The following TMEM178B variants were observed in gnomAD, a reference collection of about 807,000 sequenced individuals.
TMEM178B encodes the protein transmembrane protein 178B.
TMEM178B carries 5 observed loss-of-function variants against 31.0 expected under a neutral mutation model. That is an observed-to-expected ratio of 0.16 (90% CI 0.08 to 0.34). The LOEUF is 0.34. Among genes scored for constraint, TMEM178B ranks in the 10% least tolerant of loss-of-function variants. The probability of loss-of-function intolerance (pLI) is 1.00; values close to 1 mark genes in which losing one functional copy is unlikely to be tolerated. For missense variants in TMEM178B, 275 were observed against 400.3 expected, an observed-to-expected ratio of 0.69 and a Z score of 2.67; for synonymous variants, 164 against 164.0, an observed-to-expected ratio of 1.00 and a Z score of 0.00.
At chr7:141,241,557 T>C (rs1312376608) in intron 2 of TMEM178B, among the ~76,000 whole-genome samples, 1 of 126,726 alleles carries the variant, frequency 7.9e-6, no homozygotes, top group Non-Finnish European at 1.6e-5. Context: ...GCTGTTGCAC[T>C]CCAGCCTGGG....
chr7:141,376,324 A>C (rs955801099), intron 2 of TMEM178B, among the ~76,000 whole-genome samples: 1 of 152,238 alleles, frequency 6.6e-6, no homozygotes, highest in African/African-American at 2.4e-5. Context: ...CTGGGTATGT[A>C]CCTACTTGGG....
At chr7:141,089,761 C>CA (rs927320086) in intron 1 of TMEM178B, among the ~76,000 whole-genome samples, 3 of 151,482 alleles carry the variant, frequency 2.0e-5, no homozygotes, top group Middle Eastern at 3.2e-3. Flanking sequence ...ATTGCAAGGA[C>CA]AAAAAACCAA....
chr7:141,133,196 C>A (rs1346738870), intron 1 of TMEM178B, among the ~76,000 whole-genome samples: 1 of 151,828 alleles, frequency 6.6e-6, no homozygotes, highest in East Asian at 1.9e-4. Flanking sequence ...AGATATGACA[C>A]CTATAAAAGA....
At chr7:141,130,543 TTA>T (rs1379410969) in intron 1 of TMEM178B, among the ~76,000 whole-genome samples, 1 of 152,230 alleles carries the variant, frequency 6.6e-6, no homozygotes, top group Non-Finnish European at 1.5e-5. Flanking sequence ...AGCTATTCCA[TTA>T]TATGACTATA....
intron 3 of TMEM178B, among the ~76,000 whole-genome samples, chr7:141,458,954 G>C (rs1157166646): frequency 6.6e-6 from 1 of 152,194 alleles, no homozygotes; most frequent in Non-Finnish European, 1.5e-5. Context: ...TAAGAAAGGG[G>C]AATGAGGGGA....
chr7:141,275,361 A>G (rs116981308), intron 2 of TMEM178B, among the ~76,000 whole-genome samples: 173 of 152,352 alleles, frequency 1.1e-3, no homozygotes, highest in Middle Eastern at 6.8e-3. Flanking sequence ...TGCAGTTTTT[A>G]TGAATGTATA....
At chr7:141,126,753 A>G (rs1795503373) in intron 1 of TMEM178B, among the ~76,000 whole-genome samples, 1 of 152,098 alleles carries the variant, frequency 6.6e-6, no homozygotes, top group South Asian at 2.1e-4. Flanking sequence ...GCTAAGTTGG[A>G]TTGGTGTTTG....
intron 1 of TMEM178B, among the ~76,000 whole-genome samples, chr7:141,101,699 C>T (rs933164475): frequency 2.6e-5 from 4 of 152,190 alleles, no homozygotes; most frequent in Admixed American, 1.3e-4. Context: ...GTACAGTCAA[C>T]TCCATTAGGT....
intron 2 of TMEM178B, among the ~76,000 whole-genome samples, chr7:141,430,981 C>A (rs1304794521): frequency 6.6e-6 from 1 of 152,168 alleles, no homozygotes; most frequent in Non-Finnish European, 1.5e-5. Flanking sequence ...GAATTTCCAG[C>A]AGACCTCCCC....
At chr7:141,082,005 G>A (rs1040804063) in intron 1 of TMEM178B, among the ~76,000 whole-genome samples, 4 of 152,184 alleles carry the variant, frequency 2.6e-5, no homozygotes, top group Admixed American at 2.0e-4. Flanking sequence ...TTACCATTGT[G>A]TTATAATTGC....
intron 1 of TMEM178B, among the ~76,000 whole-genome samples, chr7:141,191,010 T>C (rs545660640): frequency 5.1e-4 from 78 of 152,338 alleles, no homozygotes; most frequent in African/African-American, 1.8e-3. Flanking sequence ...ATCAGGTCCT[T>C]GAATAACATT....
At chr7:141,387,292 A>T (rs1800449863) in intron 2 of TMEM178B, among the ~76,000 whole-genome samples, 1 of 152,198 alleles carries the variant, frequency 6.6e-6, no homozygotes, top group African/African-American at 2.4e-5. Context: ...CTTTACATGC[A>T]CTTTCTCATT....
At chr7:141,265,394 G>A (rs1798080649) in intron 2 of TMEM178B, among the ~76,000 whole-genome samples, 1 of 151,676 alleles carries the variant, frequency 6.6e-6, no homozygotes, top group Non-Finnish European at 1.5e-5. Flanking sequence ...GGCTCACAGG[G>A]TGAGGTTGCA....
At chr7:141,393,476 C>T (rs1800581822) in intron 2 of TMEM178B, among the ~76,000 whole-genome samples, 1 of 152,080 alleles carries the variant, frequency 6.6e-6, no homozygotes, top group East Asian at 1.9e-4. Context: ...AGAGGACTTC[C>T]AGGAAAGAAG....
At chr7:141,152,730 C>A (rs1038850720) in intron 1 of TMEM178B, among the ~76,000 whole-genome samples, 1 of 152,228 alleles carries the variant, frequency 6.6e-6, no homozygotes, top group African/African-American at 2.4e-5. Flanking sequence ...ACACAGCTGG[C>A]CTTTCCACTG....
chr7:141,222,925 A>T (rs1196087442), intron 2 of TMEM178B, among the ~76,000 whole-genome samples: 1 of 152,218 alleles, frequency 6.6e-6, no homozygotes, highest in Non-Finnish European at 1.5e-5. Context: ...TCTTTAATTT[A>T]TCAGTTGTGC....
chr7:141,404,316 CA>C (rs1419249331), intron 2 of TMEM178B, among the ~76,000 whole-genome samples: 1 of 152,056 alleles, frequency 6.6e-6, no homozygotes, highest in Non-Finnish European at 1.5e-5. Flanking sequence ...AAAACAAAAA[CA>C]AAAACAAACA....
At chr7:141,117,249 A>G (rs964066594) in intron 1 of TMEM178B, among the ~76,000 whole-genome samples, 6 of 152,064 alleles carry the variant, frequency 3.9e-5, no homozygotes, top group African/African-American at 1.4e-4. Context: ...TTTGGTTTGC[A>G]TTTCTCTAAT....
the TMEM178B span, among the ~76,000 whole-genome samples, chr7:141,487,097 C>T: frequency 1.3e-5 from 2 of 152,144 alleles, no homozygotes; most frequent in African/African-American, 4.8e-5. Flanking sequence ...TTCGCTGCAA[C>T]TTCATGCCAA....
Sources: gnomAD v4.1 joint callset for allele counts (sites outside exome capture counted in the v4.1 genomes callset) on GRCh38, gnomAD v4.1.1 for gene constraint, MANE v1.5 for transcripts, NCBI Gene and HGNC (gene_info 2026-07-23, HGNC 2026-07-21) for gene names.